The following GATA4 variants were observed in gnomAD, a reference collection of about 807,000 sequenced individuals.
The protein encoded by GATA4 is transcription factor GATA-4.
A neutral mutation model predicts 37.9 loss-of-function variants in GATA4; 7 were observed. The observed-to-expected ratio is 0.18, with a 90% CI of 0.11 to 0.35. The LOEUF (loss-of-function observed/expected upper bound fraction) is 0.35. GATA4 is among the 10% of genes least tolerant of loss of function. GATA4 has a pLI of 1.00. For synonymous variants in GATA4, 372 were observed against 292.6 expected, an observed-to-expected ratio of 1.27 and a Z score of -2.77; for missense variants, 647 against 653.0, an observed-to-expected ratio of 0.99 and a Z score of 0.10.
At chr8:11,705,899 C>T (rs773089534) in intron 1 of GATA4, 1 of 152,204 alleles carries the variant, frequency 6.6e-6, no homozygotes, top group Non-Finnish European at 1.5e-5. Context: ...TCTAAATCTC[C>T]TTTCTTTTCC....
upstream of GATA4, among the ~76,000 whole-genome samples, chr8:11,699,877 T>C (rs1423841519): frequency 1.3e-5 from 2 of 152,254 alleles, no homozygotes; most frequent in African/African-American, 2.4e-5. Flanking sequence ...ATGTTAAACA[T>C]GCTCATTAAA....
chr8:11,726,125 A>G (rs1800911476), intron 2 of GATA4, among the ~76,000 whole-genome samples: 1 of 152,236 alleles, frequency 6.6e-6, no homozygotes, highest in Admixed American at 6.5e-5. Context: ...CCTTCACAGA[A>G]AAGATGCAGC....
chr8:11,686,670 A>G (rs1032122899), intron 1 of GATA4, among the ~76,000 whole-genome samples: 2 of 152,200 alleles, frequency 1.3e-5, no homozygotes, highest in African/African-American at 2.4e-5. Context: ...TGCAGGGGTG[A>G]GTTCCAGACA....
chr8:11,754,730 T>G (rs1802466808), intron 4 of GATA4, among the ~76,000 whole-genome samples: 1 of 152,220 alleles, frequency 6.6e-6, no homozygotes, highest in South Asian at 2.1e-4. Context: ...TCTGTCTTTT[T>G]ACATCACCGA....
chr8:11,742,609 T>G (rs1418985697), intron 2 of GATA4, among the ~76,000 whole-genome samples: 1 of 152,164 alleles, frequency 6.6e-6, no homozygotes, highest in Non-Finnish European at 1.5e-5. Context: ...CTGCAGGAGC[T>G]TCCAAAATAG....
intron 1 of GATA4, among the ~76,000 whole-genome samples, chr8:11,677,901 G>T (rs915958220): frequency 6.6e-6 from 1 of 151,920 alleles, no homozygotes; most frequent in Non-Finnish European, 1.5e-5. Flanking sequence ...TAATGCTTTT[G>T]GTTGCACACG....
At chr8:11,681,168 C>A (rs548961496) in intron 1 of GATA4, 2 of 985,400 alleles carry the variant, frequency 2.0e-6, no homozygotes, top group Non-Finnish European at 1.2e-6. Context: ...GTTCGCAGAA[C>A]CTTCGGGGGT....
At chr8:11,716,572 T>G (rs1051943287) in intron 2 of GATA4, among the ~76,000 whole-genome samples, 1 of 152,210 alleles carries the variant, frequency 6.6e-6, no homozygotes, top group Non-Finnish European at 1.5e-5. Flanking sequence ...CTACTCCTGG[T>G]CTCAGTGCTG....
intron 6 of GATA4, 126 bp from the exon 7 acceptor site, chr8:11,758,167 G>C: frequency 1.1e-6 from 1 of 871,484 alleles, no homozygotes; most frequent in Non-Finnish European, 1.9e-6. Flanking sequence ...AGTGCTCCTT[G>C]GTCCCTTCCT....
intron 2 of GATA4, among the ~76,000 whole-genome samples, chr8:11,712,763 A>C (rs1472620247): frequency 6.6e-6 from 1 of 151,390 alleles, no homozygotes; most frequent in Non-Finnish European, 1.5e-5. Context: ...CAGGAGGCTG[A>C]GGTGGGAGGA....
At chr8:11,711,526 C>G (rs1411697011) in intron 2 of GATA4, among the ~76,000 whole-genome samples, 1 of 152,040 alleles carries the variant, frequency 6.6e-6, no homozygotes, top group Non-Finnish European at 1.5e-5. Flanking sequence ...GCCTGTAATC[C>G]CAGCACTTTG....
intron 2 of GATA4, among the ~76,000 whole-genome samples, chr8:11,718,619 C>T (rs968705755): frequency 1.3e-5 from 2 of 152,194 alleles, no homozygotes; most frequent in African/African-American, 2.4e-5. Context: ...AGCTTCCTCA[C>T]GATTCTTCCA....
chr8:11,692,660 G>A (rs942179395), exon 1 of GATA4: 2 of 985,232 alleles, frequency 2.0e-6, no homozygotes, highest in Non-Finnish European at 2.4e-6. Context: ...CTCCACCGCG[G>A]GTGCGTGCGG....
chr8:11,703,733 G>A (rs1799768138), upstream of GATA4, among the ~76,000 whole-genome samples: 1 of 152,174 alleles, frequency 6.6e-6, no homozygotes, highest in Admixed American at 6.5e-5. Context: ...TCCGGGGCTG[G>A]GAGGATCCCC....
chr8:11,697,583 G>A, intron 1 of GATA4: 1 of 985,452 alleles, frequency 1.0e-6, no homozygotes, highest in Non-Finnish European at 1.2e-6. Context: ...TCTGTCTGAA[G>A]GGGTCCTCGC....
At chr8:11,728,186 ATCAT>A (rs1318594208) in intron 2 of GATA4, among the ~76,000 whole-genome samples, 3 of 152,126 alleles carry the variant, frequency 2.0e-5, no homozygotes, top group Non-Finnish European at 4.4e-5. Flanking sequence ...ATGGGGTTTC[ATCAT>A]GTTGGCCAAG....
intron 1 of GATA4, chr8:11,694,529 C>A: frequency 1.0e-6 from 1 of 985,164 alleles, no homozygotes; most frequent in Non-Finnish European, 1.2e-6. Flanking sequence ...GGTTCCTCTG[C>A]TGCTTAATTA....
upstream of GATA4, among the ~76,000 whole-genome samples, chr8:11,699,395 T>C (rs1799598750): frequency 6.6e-6 from 1 of 151,930 alleles, no homozygotes; most frequent in South Asian, 2.1e-4. Context: ...CCAAGAGAGA[T>C]CTCAGAGGAG....
upstream of GATA4, among the ~76,000 whole-genome samples, chr8:11,690,281 G>C (rs2409810): frequency 0.51 from 78,290 of 152,136 alleles, 23,902 homozygotes; most frequent in East Asian, 0.77. Flanking sequence ...AGTCATCAAG[G>C]ATGGGGATTT....
Sources: allele counts gnomAD v4.1 joint callset (sites outside exome capture counted in the v4.1 genomes callset), GRCh38; gene constraint gnomAD v4.1.1; transcripts MANE v1.5; gene names NCBI Gene and HGNC (gene_info 2026-07-23, HGNC 2026-07-21).